Variants in FBXL7 observed in about 807,000 individuals in gnomAD.
The protein encoded by FBXL7 is F-box/LRR-repeat protein 7.
FBXL7 carries 12 observed loss-of-function variants against 38.3 expected under a neutral mutation model. The ratio of observed to expected loss-of-function variants is 0.31; its 90% CI spans 0.20 to 0.51. The LOEUF is 0.51. FBXL7 is among the 20% of genes least tolerant of loss of function. The pLI, the probability that FBXL7 is intolerant of heterozygous loss-of-function variation, is 0.98. For missense variants in FBXL7, 567 were observed against 676.4 expected, an observed-to-expected ratio of 0.84 and a Z score of 1.79; for synonymous variants, 297 against 300.9, an observed-to-expected ratio of 0.99 and a Z score of 0.13.
At chr5:15,865,055 C>T (rs2126813701) in intron 2 of FBXL7, among the ~76,000 whole-genome samples, 1 of 152,256 alleles carries the variant, frequency 6.6e-6, no homozygotes, top group Non-Finnish European at 1.5e-5. Context: ...CTGAAGGATT[C>T]TCTTTACATG....
intron 3 of FBXL7, among the ~76,000 whole-genome samples, chr5:15,931,677 A>G (rs1001714498): frequency 1.9e-4 from 29 of 152,150 alleles, no homozygotes; most frequent in Admixed American, 1.7e-3. Context: ...CTTAGGTGCA[A>G]ATTTCATCTC....
intron 1 of FBXL7, among the ~76,000 whole-genome samples, chr5:15,593,355 C>T (rs1739534408): frequency 6.6e-6 from 1 of 152,158 alleles, no homozygotes; most frequent in Non-Finnish European, 1.5e-5. Context: ...GAGACTCCAG[C>T]TCTACTAAAA....
At chr5:15,600,422 G>A (rs956854598) in intron 1 of FBXL7, among the ~76,000 whole-genome samples, 23 of 152,150 alleles carry the variant, frequency 1.5e-4, no homozygotes, top group African/African-American at 4.3e-4. Context: ...CTGGGAAATC[G>A]GCTTTCAAGG....
rs181615732 is a variant in FBXL7, at chr5:15,676,821, C to T, written c.127+60749C>T. Among the ~76,000 whole-genome samples, 7 of 152,220 alleles carry T rather than the reference C, an allele frequency of 4.6e-5. No homozygotes were observed. The East Asian group carries it at 5.8e-4, about 13-fold the overall frequency. ...TTTTAGCTAGGAAAGCACTCATGAA[C>T]GTGTCCCCAAGTAAATGTTCCATAT... On this transcript the variant is annotated intron_variant, in intron 2 of 3. Transcript: ENST00000504595.
intron 2 of FBXL7, among the ~76,000 whole-genome samples, chr5:15,852,526 A>T (rs114564581): frequency 0.016 from 2,403 of 152,300 alleles, 68 homozygotes; most frequent in African/African-American, 0.055. Flanking sequence ...TGAATTTATC[A>T]GGCATCCGGT....
intron 2 of FBXL7, among the ~76,000 whole-genome samples, chr5:15,821,290 T>A (rs1738163122): frequency 6.6e-6 from 1 of 152,250 alleles, no homozygotes; most frequent in Non-Finnish European, 1.5e-5. Flanking sequence ...TTTTTTAGGT[T>A]ATTAGCATCA....
chr5:15,837,610 C>A (rs1230188185), intron 2 of FBXL7, among the ~76,000 whole-genome samples: 1 of 152,168 alleles, frequency 6.6e-6, no homozygotes, highest in Non-Finnish European at 1.5e-5. Flanking sequence ...CTAGATAGAG[C>A]TCATTTAGAC....
At chr5:15,753,015 A>C (rs1276542834) in intron 2 of FBXL7, among the ~76,000 whole-genome samples, 1 of 152,114 alleles carries the variant, frequency 6.6e-6, no homozygotes, top group Non-Finnish European at 1.5e-5. Flanking sequence ...TTGTGATAAG[A>C]CCTTGAACAT....
chr5:15,812,556 A>G (rs1187550312), intron 2 of FBXL7, among the ~76,000 whole-genome samples: 2 of 152,160 alleles, frequency 1.3e-5, no homozygotes, highest in African/African-American at 2.4e-5. Context: ...GTTTGAAGTC[A>G]GGTAGTATGA....
At chr5:15,751,869 C>G (rs943515853) in intron 2 of FBXL7, among the ~76,000 whole-genome samples, 1 of 152,016 alleles carries the variant, frequency 6.6e-6, no homozygotes, top group Admixed American at 6.6e-5. Context: ...TAATAATTAC[C>G]CAGCAGCAGG....
At chr5:15,596,854 G>A (rs12189306) in intron 1 of FBXL7, among the ~76,000 whole-genome samples, 12,632 of 152,180 alleles carry the variant, frequency 0.083, 598 homozygotes, top group South Asian at 0.12. Context: ...GGGCATGGAC[G>A]CTCCATGCCC....
In FBXL7 at chr5:15,699,888, C is replaced by T. The variant is rs11747715; in HGVS notation, c.127+83816C>T. On this transcript the variant is annotated intron_variant, in intron 2 of 3. Transcript: ENST00000504595. ...TTGGGTAAAAGATAAGTTATAGCTA[C>T]ATAGAACTGATGCAATAATCTCATA... Among the ~76,000 whole-genome samples the T allele has an allele frequency of 7.8e-3, 1,181 of 152,296 alleles. 7 individuals are homozygous for T. The highest frequency in any genetic ancestry group is 0.011 in the Non-Finnish European group (762 of 68,038).
At chr5:15,612,355 A>T (rs1178577617) in intron 1 of FBXL7, among the ~76,000 whole-genome samples, 2 of 152,180 alleles carry the variant, frequency 1.3e-5, no homozygotes, top group East Asian at 3.8e-4. Context: ...GCTCAATGAA[A>T]CATATGCACT....
chr5:15,617,585 C>T (rs902909243), intron 2 of FBXL7, among the ~76,000 whole-genome samples: 1 of 152,192 alleles, frequency 6.6e-6, no homozygotes, highest in Non-Finnish European at 1.5e-5. Flanking sequence ...CCTACAGGCA[C>T]CTGCCACTAT....
intron 2 of FBXL7, among the ~76,000 whole-genome samples, chr5:15,885,902 G>A (rs1203354440): frequency 1.4e-5 from 2 of 146,764 alleles, no homozygotes; most frequent in African/African-American, 2.5e-5. Flanking sequence ...TTTTTTTTTT[G>A]TAGAGACGAG....
chr5:15,924,727 A>T (rs1022265604), intron 2 of FBXL7, among the ~76,000 whole-genome samples: 34 of 151,614 alleles, frequency 2.2e-4, no homozygotes, highest in Admixed American at 2.2e-3. Context: ...GGGTGCAAGC[A>T]AAAATTCACG....
chr5:15,929,456 C>T (rs1561192907), intron 3 of FBXL7, among the ~76,000 whole-genome samples: 1 of 152,014 alleles, frequency 6.6e-6, no homozygotes, highest in East Asian at 1.9e-4. Flanking sequence ...CCTCTCTCCA[C>T]AAAAACTGGA....
chr5:15,523,139 G>A lies in FBXL7; in HGVS notation c.37+22426G>A, dbSNP rs16903901. Among the ~76,000 whole-genome samples the A allele has an allele frequency of 6.7e-3, 1,024 of 152,312 alleles. 12 individuals are homozygous for A. Among genetic ancestry groups the A allele is most frequent in the African/African-American group, 0.023 (960 of 41,560 alleles). On this transcript the variant is annotated intron_variant, in intron 1 of 3. Coordinates refer to ENST00000504595, the MANE Select transcript of FBXL7 (RefSeq NM_012304.5). ...TGAGAAAGTCCTATTGTACCGCACC[G>A]TTACAGAGGATTTAAGTTAGGGTAA... is the stretch of plus-strand genomic sequence containing the variant.
chr5:15,715,186 C>T (rs1252070162), intron 2 of FBXL7, among the ~76,000 whole-genome samples: 1 of 152,044 alleles, frequency 6.6e-6, no homozygotes, highest in African/African-American at 2.4e-5. Context: ...GGAATTAAGG[C>T]TGTGACAATT....
Sources: allele counts gnomAD v4.1 joint callset (sites outside exome capture counted in the v4.1 genomes callset), GRCh38; gene constraint gnomAD v4.1.1; transcripts MANE v1.5; gene names NCBI Gene and HGNC (gene_info 2026-07-23, HGNC 2026-07-21).